Variants in PTPRJ observed in about 807,000 individuals in gnomAD.
PTPRJ encodes the protein receptor-type tyrosine-protein phosphatase eta.
PTPRJ carries 129 observed loss-of-function variants against 141.3 expected under a neutral mutation model. The observed-to-expected ratio is 0.91, with a 90% CI of 0.79 to 1.06. The LOEUF (loss-of-function observed/expected upper bound fraction) is 1.06. PTPRJ is among the 50% of genes least tolerant of loss of function. The probability of loss-of-function intolerance (pLI) is 0.00; values close to 1 mark genes in which losing one functional copy is unlikely to be tolerated. For synonymous variants in PTPRJ, 610 were observed against 640.5 expected, an observed-to-expected ratio of 0.95 and a Z score of 0.72; for missense variants, 1,601 against 1,679.7, an observed-to-expected ratio of 0.95 and a Z score of 0.82.
At chr11:48,001,948 C>T (rs751089771) in intron 1 of PTPRJ, among the ~76,000 whole-genome samples, 1 of 152,068 alleles carries the variant, frequency 6.6e-6, no homozygotes, top group Admixed American at 6.6e-5. Context: ...TTTTGTTGTT[C>T]AAGTTGGTGA....
intron 1 of PTPRJ, among the ~76,000 whole-genome samples, chr11:48,081,444 T>C (rs1855554809): frequency 6.6e-6 from 1 of 152,112 alleles, no homozygotes; most frequent in Non-Finnish European, 1.5e-5. Context: ...GGAAGCTCCA[T>C]GTGGGGCTTG....
intron 1 of PTPRJ, among the ~76,000 whole-genome samples, chr11:48,051,555 G>A (rs760871921): frequency 1.9e-4 from 29 of 152,112 alleles, no homozygotes; most frequent in Admixed American, 5.2e-4. Flanking sequence ...AGTGGGGTGG[G>A]TCTCATCTGG....
intron 7 of PTPRJ, among the ~76,000 whole-genome samples, chr11:48,129,530 G>A (rs1436026523): frequency 6.6e-6 from 1 of 152,076 alleles, no homozygotes. Flanking sequence ...GAGGTCTTGG[G>A]GGTTAGGACA....
chr11:48,036,310 G>T (rs150584996), intron 1 of PTPRJ, among the ~76,000 whole-genome samples: 7 of 152,142 alleles, frequency 4.6e-5, no homozygotes, highest in African/African-American at 1.2e-4. Context: ...AGGCCCTCTC[G>T]GGTTGCATGC....
At chr11:47,995,893 C>T (rs1285880431) in intron 1 of PTPRJ, among the ~76,000 whole-genome samples, 1 of 151,804 alleles carries the variant, frequency 6.6e-6, no homozygotes, top group Non-Finnish European at 1.5e-5. Context: ...CAAAAATTAA[C>T]AGGGTGTGGT....
At chr11:47,999,002 T>C in intron 1 of PTPRJ, among the ~76,000 whole-genome samples, 1 of 152,216 alleles carries the variant, frequency 6.6e-6, no homozygotes, top group East Asian at 1.9e-4. Context: ...TGCAACTTGG[T>C]AGTTAATGAT....
At chr11:48,054,839 C>T (rs1215667810) in intron 1 of PTPRJ, among the ~76,000 whole-genome samples, 3 of 149,916 alleles carry the variant, frequency 2.0e-5, no homozygotes, top group Non-Finnish European at 4.4e-5. Context: ...TTTAAAGGGC[C>T]AGTCCCCATT....
At chr11:47,981,249 G>C (rs1243691490) in intron 1 of PTPRJ, among the ~76,000 whole-genome samples, 1 of 152,156 alleles carries the variant, frequency 6.6e-6, no homozygotes, top group Non-Finnish European at 1.5e-5. Context: ...CGGTGCCCGA[G>C]CCTCCCGGGG....
chr11:48,090,540 C>A (rs1056676109), intron 1 of PTPRJ, among the ~76,000 whole-genome samples: 3 of 152,196 alleles, frequency 2.0e-5, no homozygotes, highest in Non-Finnish European at 4.4e-5. Context: ...CCTCTGTTGT[C>A]CTCCCAGACT....
chr11:48,011,960 C>T (rs924311114), intron 1 of PTPRJ, among the ~76,000 whole-genome samples: 1 of 152,064 alleles, frequency 6.6e-6, no homozygotes, highest in Non-Finnish European at 1.5e-5. Context: ...CACTGTGCCC[C>T]GCCTCAGTTT....
chr11:48,054,183 C>G (rs538404630), intron 1 of PTPRJ, among the ~76,000 whole-genome samples: 39 of 152,320 alleles, frequency 2.6e-4, no homozygotes, highest in African/African-American at 8.4e-4. Context: ...ATTTGCCCGC[C>G]TTGGCCTCCC....
At chr11:48,159,122 G>GTGTCT (rs1857693119) in intron 21 of PTPRJ, among the ~76,000 whole-genome samples, 1 of 5,300 alleles carries the variant, frequency 1.9e-4, no homozygotes, top group African/African-American at 2.4e-4. Flanking sequence ...GTGTATGTGG[G>GTGTCT]GTGTGTGTGT....
At chr11:48,105,256 C>T (rs1368857347) in intron 1 of PTPRJ, among the ~76,000 whole-genome samples, 1 of 152,032 alleles carries the variant, frequency 6.6e-6, no homozygotes, top group African/African-American at 2.4e-5. Flanking sequence ...TCTTTCACTG[C>T]TTTTCTTGCC....
At position 48,136,174 on chromosome 11, in the gene PTPRJ, C is replaced by A; in HGVS notation, c.1751C>A (p.Thr584Lys). The A allele has an allele frequency of 1.2e-6, 2 of 1,614,222 alleles. No individual in the cohort carries two copies. The highest frequency in any genetic ancestry group is 1.7e-6 in the Non-Finnish European group (2 of 1,180,040). Residue 584 changes from threonine to lysine, a missense_variant, in exon 9 of 25, where the codon ACA becomes AAA. By Grantham distance (78) the Thr-to-Lys change is moderately conservative (BLOSUM62 -1). Coordinates refer to ENST00000418331, the MANE Select transcript of PTPRJ (RefSeq NM_002843.4). ...GAGTCCAAGCATGGCTCTAACCACA[C>A]AAGCACGTATGACAAAGCGATTACT... ...VIESKHGSNH[T>K]STYDKAITLQ...
intron 1 of PTPRJ, among the ~76,000 whole-genome samples, chr11:48,022,646 A>G (rs1565262241): frequency 6.6e-6 from 1 of 152,098 alleles, no homozygotes; most frequent in Non-Finnish European, 1.5e-5. Context: ...TGACTTGCAC[A>G]GTGCTTTTCT....
At chr11:47,989,319 T>G (rs1343886578) in intron 1 of PTPRJ, among the ~76,000 whole-genome samples, 1 of 151,108 alleles carries the variant, frequency 6.6e-6, no homozygotes, top group Non-Finnish European at 1.5e-5. Flanking sequence ...CAGGCTGGAG[T>G]GCAATGGCGT....
chr11:48,134,889 G>A (rs899576876), intron 8 of PTPRJ, among the ~76,000 whole-genome samples: 17 of 152,044 alleles, frequency 1.1e-4, no homozygotes, highest in Non-Finnish European at 2.1e-4. Flanking sequence ...TTCCTCATCC[G>A]TCCTCAAATG....
chr11:48,018,175 T>C (rs1003319109), intron 1 of PTPRJ, among the ~76,000 whole-genome samples: 1 of 152,134 alleles, frequency 6.6e-6, no homozygotes, highest in Non-Finnish European at 1.5e-5. Flanking sequence ...CTTCCTGTTT[T>C]TTTTTTTTTC....
intron 8 of PTPRJ, 97 bp downstream of exon 8, chr11:48,130,813 A>C: frequency 1.5e-6 from 2 of 1,291,702 alleles, no homozygotes; most frequent in Non-Finnish European, 2.0e-6. Context: ...TTTTCTTTTA[A>C]TTATCTAAGA....
Sources: allele counts gnomAD v4.1 joint callset (sites outside exome capture counted in the v4.1 genomes callset), GRCh38; gene constraint gnomAD v4.1.1; transcripts MANE v1.5; gene names NCBI Gene and HGNC (gene_info 2026-07-23, HGNC 2026-07-21).